The following TEX14 variants were observed in gnomAD, a reference collection of about 807,000 sequenced individuals.
TEX14 encodes testis expressed 14, intercellular bridge forming factor.
In TEX14, 168 loss-of-function variants were observed where a neutral mutation model predicts 178.6. The ratio of observed to expected loss-of-function variants is 0.94; its 90% CI spans 0.83 to 1.07. The LOEUF (loss-of-function observed/expected upper bound fraction) is 1.07, where lower values mean the gene tolerates loss of function less well. Ranked by LOEUF, TEX14 falls within the 50% of genes least tolerant of loss-of-function variation. The pLI, the probability that TEX14 is intolerant of heterozygous loss-of-function variation, is 0.00. For missense variants in TEX14, 1,730 were observed against 1,753.6 expected (o/e 0.99, Z 0.24); for synonymous variants, 626 against 634.1 (o/e 0.99, Z 0.19).
chr17:58,644,931 G>C (rs1421041830), intron 2 of TEX14, among the ~76,000 whole-genome samples: 2 of 151,418 alleles, frequency 1.3e-5, no homozygotes, highest in East Asian at 3.9e-4. Context: ...GATTACAGGC[G>C]TGAGCCACTG....
At chr17:58,665,978 G>A (rs1198050994) in intron 1 of TEX14, among the ~76,000 whole-genome samples, 1 of 151,854 alleles carries the variant, frequency 6.6e-6, no homozygotes, top group Non-Finnish European at 1.5e-5. Context: ...CAACCTAGGA[G>A]GCGGAGGTTG....
intron 1 of TEX14, among the ~76,000 whole-genome samples, chr17:58,666,203 C>T (rs2047201114): frequency 6.6e-6 from 1 of 151,752 alleles, no homozygotes; most frequent in African/African-American, 2.4e-5. Flanking sequence ...ATTAGCCAGG[C>T]ATGGTGGTGC....
chr17:58,606,782 C>A (rs537209451), intron 10 of TEX14, among the ~76,000 whole-genome samples: 6 of 151,138 alleles, frequency 4.0e-5, no homozygotes, highest in Non-Finnish European at 8.8e-5. Context: ...AATCCCAGCA[C>A]TTTAGGAGGC....
chr17:58,574,138 A>G, intron 22 of TEX14, 49 bp downstream of exon 22: 1 of 1,459,906 alleles, frequency 6.8e-7, no homozygotes, highest in South Asian at 1.1e-5. Flanking sequence ...TTCCCTTAAA[A>G]CCAAGACTTT....
intron 7 of TEX14, 52 bp from the exon 8 acceptor site, chr17:58,615,397 C>T (rs1378712553): frequency 3.7e-6 from 4 of 1,082,116 alleles, no homozygotes; most frequent in Non-Finnish European, 1.4e-6. Context: ...GCCACTTACT[C>T]CTTCAATGAA....
intron 1 of TEX14, among the ~76,000 whole-genome samples, chr17:58,678,576 A>T (rs964976428): frequency 6.6e-6 from 1 of 152,188 alleles, no homozygotes; most frequent in African/African-American, 2.4e-5. Flanking sequence ...TTGCAAGGAC[A>T]GAAAACCAAA....
chr17:58,570,852 A>C (rs2044507869), intron 24 of TEX14, among the ~76,000 whole-genome samples: 1 of 151,946 alleles, frequency 6.6e-6, no homozygotes, highest in Admixed American at 6.6e-5. Context: ...GCTGGTCTCA[A>C]ACTCCTGATC....
chr17:58,566,298 T>C (rs2044396788), intron 26 of TEX14, among the ~76,000 whole-genome samples: 1 of 152,206 alleles, frequency 6.6e-6, no homozygotes, highest in South Asian at 2.1e-4. Context: ...ATTTAGCAGA[T>C]GAGGAAATTT....
At chr17:58,601,583 A>G (rs2045446524) in intron 13 of TEX14, among the ~76,000 whole-genome samples, 2 of 152,034 alleles carry the variant, frequency 1.3e-5, no homozygotes, top group African/African-American at 2.4e-5. Context: ...AATCCCAGCT[A>G]CTCAGGAGGC....
intron 1 of TEX14, among the ~76,000 whole-genome samples, chr17:58,668,931 C>T (rs932081981): frequency 6.6e-6 from 1 of 151,936 alleles, no homozygotes; most frequent in Non-Finnish European, 1.5e-5. Flanking sequence ...TCATTTGTTC[C>T]GGGTATATAT....
chr17:58,569,101 A>T lies in TEX14; in HGVS notation c.3886+91T>A. The T allele has an allele frequency of 9.2e-7, 1 of 1,084,454 alleles. No individual in the cohort carries two copies. The allele number at this position is 1,084,454 out of a possible 1,614,324, so 67.2% of individuals were successfully genotyped here. A position where few individuals can be genotyped will look rare whatever the true frequency, so the allele number is the denominator to read the frequency against. ...AGGCCATCATACAGCCTTTTATACT[A>T]GTGTTCACACTTGAGACAAAGACAC... is the stretch of plus-strand genomic sequence containing the variant. On this transcript the variant is annotated intron_variant, in intron 26 of 31. Transcript: ENST00000349033. This position sits in a 1 kb window ranked among gnomAD's most constrained non-coding sequence, Gnocchi z 4.1.
intron 1 of TEX14, among the ~76,000 whole-genome samples, chr17:58,689,460 C>T (rs1461934357): frequency 6.6e-6 from 1 of 152,108 alleles, no homozygotes; most frequent in Admixed American, 6.6e-5. Context: ...ACCTCATGAT[C>T]CACCCGCCTT....
At chr17:58,628,121 G>A (rs775573135) in intron 3 of TEX14, among the ~76,000 whole-genome samples, 8 of 151,906 alleles carry the variant, frequency 5.3e-5, no homozygotes, top group Non-Finnish European at 8.8e-5. Flanking sequence ...TGTGAGTCTA[G>A]AAAAATTCTG....
rs748534220 is a variant in TEX14 at position 58,557,073 on chromosome 17, A to T, written c.4320-26T>A. The T allele has an allele frequency of 5.6e-6, 9 of 1,608,810 alleles. No individual in the cohort carries two copies. In the East Asian group the frequency reaches 1.3e-4, roughly 24 times the overall value. ...CTATGCACATGTTTTTTAAAGAACAAAAAAGGAAGTTTCGAGTTGGTATGT... is the reference window on the plus strand; with the variant it reads ...CTATGCACATGTTTTTTAAAGAACATAAAAGGAAGTTTCGAGTTGGTATGT... On this transcript the variant is annotated intron_variant, in intron 31 of 31. Transcript: ENST00000349033.
chr17:58,626,569 CAAAAAAAAA>C (rs11327030), intron 3 of TEX14, among the ~76,000 whole-genome samples: 2 of 33,668 alleles, frequency 5.9e-5, no homozygotes, highest in East Asian at 2.0e-3. Flanking sequence ...GACTCCATCT[CAAAAAAAAA>C]AAAAAAAAAA....
chr17:58,568,453 C>T (rs930240265), intron 26 of TEX14, among the ~76,000 whole-genome samples: 1 of 152,184 alleles, frequency 6.6e-6, no homozygotes, highest in Non-Finnish European at 1.5e-5. Flanking sequence ...GGGTGCCCCT[C>T]AGGAAATTAT....
chr17:58,600,620 G>GA (rs1306346870), intron 13 of TEX14, among the ~76,000 whole-genome samples: 1 of 151,414 alleles, frequency 6.6e-6, no homozygotes, highest in Non-Finnish European at 1.5e-5. Context: ...TGGGAGTAAT[G>GA]AAAAAACTAA....
At chr17:58,581,564 A>T (rs781085688) in intron 19 of TEX14, 1 of 1,597,834 alleles carries the variant, frequency 6.3e-7, no homozygotes, top group Non-Finnish European at 8.5e-7. Flanking sequence ...GAAATAAGGC[A>T]ATGGAGAAAG....
chr17:58,577,434 T>C lies in TEX14; in HGVS notation c.3261A>G (p.Arg1087=). 1 of 1,500,626 alleles carries C rather than the reference T, an allele frequency of 6.7e-7. No individual in the cohort carries two copies. Among genetic ancestry groups the C allele is most frequent in the Non-Finnish European group, 9.0e-7 (1 of 1,115,656 alleles). The allele number at this position is 1,500,626 out of a possible 1,614,324, so 93.0% of individuals were successfully genotyped here. A position where few individuals can be genotyped will look rare whatever the true frequency, so the allele number is the denominator to read the frequency against. ...QVSGEEKFQM[R]KILGKNAEIL... is the part of the protein sequence containing the mutation. ...TCTCAGCATTCTTTCCAAGAATTTT[T>C]CTCATTTGGAACTTTTCCTCACCTG... Residue 1087 remains arginine (R), a synonymous_variant, in exon 21 of 32, where the codon AGA becomes AGG. Transcript: ENST00000349033.
Sources: gnomAD v4.1 joint callset for allele counts (sites outside exome capture counted in the v4.1 genomes callset) on GRCh38, gnomAD v4.1.1 for gene constraint, Gnocchi (gnomAD v3.1) non-coding constraint, MANE v1.5 for transcripts, NCBI Gene and HGNC (gene_info 2026-07-23, HGNC 2026-07-21) for gene names.